CPNE4: variants seen among roughly 807,000 people sequenced by gnomAD.
CPNE4 encodes the protein copine 4.
A neutral mutation model predicts 67.9 loss-of-function variants in CPNE4; 25 were observed. That is an observed-to-expected ratio of 0.37 (90% CI 0.27 to 0.51). The LOEUF (loss-of-function observed/expected upper bound fraction) is 0.51. Ranked by LOEUF, CPNE4 falls within the 20% of genes least tolerant of loss-of-function variation. The pLI is 0.93. For missense variants in CPNE4, 464 were observed against 690.8 expected (o/e 0.67, Z 3.68); for synonymous variants, 242 against 244.9 (o/e 0.99, Z 0.11).
At chr3:131,620,434 C>G in intron 7 of CPNE4, 1 of 984,810 alleles carries the variant, frequency 1.0e-6, no homozygotes, top group Non-Finnish European at 1.2e-6. Flanking sequence ...CTCTTTGGGT[C>G]CTGAGTTACT....
chr3:131,978,138 A>G (rs1255527303), intron 1 of CPNE4, among the ~76,000 whole-genome samples: 2 of 81,126 alleles, frequency 2.5e-5, no homozygotes, highest in East Asian at 3.4e-4. Context: ...ATATTTATAT[A>G]AATATATATA....
chr3:131,621,018 G>A (rs1404421784), intron 7 of CPNE4, among the ~76,000 whole-genome samples: 1 of 152,172 alleles, frequency 6.6e-6, no homozygotes, highest in African/African-American at 2.4e-5. Flanking sequence ...TTTCCATGAT[G>A]AGTAGGAAGG....
At chr3:131,589,918 A>G (rs1938426865) in intron 7 of CPNE4, among the ~76,000 whole-genome samples, 1 of 152,208 alleles carries the variant, frequency 6.6e-6, no homozygotes, top group Admixed American at 6.5e-5. Flanking sequence ...TCTCTTTGAT[A>G]ACAACTAGAG....
At chr3:131,545,979 T>C (rs934434077) in intron 14 of CPNE4, among the ~76,000 whole-genome samples, 2 of 152,090 alleles carry the variant, frequency 1.3e-5, no homozygotes, top group African/African-American at 4.8e-5. Context: ...GGAGAATCAT[T>C]TGAACTAGGG....
At chr3:131,825,325 G>A (rs148494169) in intron 2 of CPNE4, among the ~76,000 whole-genome samples, 4,772 of 151,974 alleles carry the variant, frequency 0.031, 174 homozygotes, top group South Asian at 0.094. Context: ...GTAAAACCCT[G>A]TCTCTACTAA....
intron 2 of CPNE4, among the ~76,000 whole-genome samples, chr3:131,786,228 C>T (rs2083559924): frequency 6.6e-6 from 1 of 151,898 alleles, no homozygotes; most frequent in Non-Finnish European, 1.5e-5. Context: ...GCCTTACCTT[C>T]AAACTCAGCT....
chr3:131,653,993 T>G (rs574702429), intron 7 of CPNE4, among the ~76,000 whole-genome samples: 9 of 152,330 alleles, frequency 5.9e-5, no homozygotes, highest in African/African-American at 2.2e-4. Flanking sequence ...GGTGGTTCTT[T>G]ACTTTGACTG....
intron 6 of CPNE4, among the ~76,000 whole-genome samples, chr3:131,670,434 C>T (rs1318792781): frequency 2.0e-5 from 3 of 152,184 alleles, no homozygotes; most frequent in Admixed American, 6.5e-5. Flanking sequence ...ACAAACTTGG[C>T]TAATCCTGGC....
intron 1 of CPNE4, among the ~76,000 whole-genome samples, chr3:131,987,731 A>G (rs1553823805): frequency 6.6e-6 from 1 of 152,150 alleles, no homozygotes; most frequent in Non-Finnish European, 1.5e-5. Context: ...ACACAACAAA[A>G]TAGTGAAACT....
At chr3:131,599,229 CTA>C (rs889434635) in intron 7 of CPNE4, among the ~76,000 whole-genome samples, 15 of 152,150 alleles carry the variant, frequency 9.9e-5, no homozygotes, top group Non-Finnish European at 1.8e-4. Flanking sequence ...CTGTAAACAT[CTA>C]TGAAAATAAT....
At chr3:131,886,087 C>T (rs1396165687) in intron 2 of CPNE4, among the ~76,000 whole-genome samples, 6 of 152,206 alleles carry the variant, frequency 3.9e-5, no homozygotes, top group Admixed American at 1.3e-4. Flanking sequence ...TTCACAGCAG[C>T]CCCTCCCATC....
At chr3:131,683,751 G>C (rs1015850166) in intron 6 of CPNE4, among the ~76,000 whole-genome samples, 9 of 152,084 alleles carry the variant, frequency 5.9e-5, no homozygotes, top group Non-Finnish European at 1.2e-4. Context: ...AGTATTTGTG[G>C]CTTAGAGTGC....
At chr3:131,874,244 A>G (rs975741874) in intron 2 of CPNE4, among the ~76,000 whole-genome samples, 1 of 151,648 alleles carries the variant, frequency 6.6e-6, no homozygotes, top group Non-Finnish European at 1.5e-5. Context: ...GCCCTCCACC[A>G]CGCCCAGCTA....
At chr3:131,792,696 C>T (rs13094349) in intron 2 of CPNE4, among the ~76,000 whole-genome samples, 10,685 of 40,592 alleles carry the variant, frequency 0.26, 1,157 homozygotes, top group Non-Finnish European at 0.29. Context: ...TGTATATATA[C>T]ATATACACAC....
intron 7 of CPNE4, among the ~76,000 whole-genome samples, chr3:131,641,731 C>T (rs759472254): frequency 2.0e-5 from 3 of 152,102 alleles, no homozygotes; most frequent in African/African-American, 4.8e-5. Context: ...CAGCACAATT[C>T]GCAATTGCAA....
chr3:131,841,110 G>T (rs921017875), intron 2 of CPNE4, among the ~76,000 whole-genome samples: 1 of 152,200 alleles, frequency 6.6e-6, no homozygotes, highest in Non-Finnish European at 1.5e-5. Context: ...GAAGAGAGGA[G>T]TTACATAGGA....
chr3:131,983,594 T>C (rs894813033), intron 1 of CPNE4, among the ~76,000 whole-genome samples: 7 of 152,222 alleles, frequency 4.6e-5, no homozygotes, highest in Non-Finnish European at 1.0e-4. Flanking sequence ...GTATAATTTA[T>C]AAAGTGGTAG....
intron 10 of CPNE4, among the ~76,000 whole-genome samples, chr3:131,573,790 C>G (rs1362100492): frequency 6.6e-6 from 1 of 152,058 alleles, no homozygotes; most frequent in African/African-American, 2.4e-5. Context: ...AACATGCTTG[C>G]TACCTTCTGT....
At chr3:131,805,795 G>A (rs947818350) in intron 2 of CPNE4, among the ~76,000 whole-genome samples, 1 of 152,192 alleles carries the variant, frequency 6.6e-6, no homozygotes, top group African/African-American at 2.4e-5. Flanking sequence ...GTTATATAGT[G>A]ACACTTCCAC....
Sources: allele counts gnomAD v4.1 joint callset (sites outside exome capture counted in the v4.1 genomes callset), GRCh38; gene constraint gnomAD v4.1.1; transcripts MANE v1.5; gene names NCBI Gene and HGNC (gene_info 2026-07-23, HGNC 2026-07-21).